The following KIAA0930 variants were observed in gnomAD, a reference collection of about 807,000 sequenced individuals.
The protein encoded by KIAA0930 is uncharacterized protein KIAA0930.
In KIAA0930, 24 loss-of-function variants were observed where a neutral mutation model predicts 43.9. The ratio of observed to expected loss-of-function variants is 0.55; its 90% CI spans 0.40 to 0.77. The LOEUF (loss-of-function observed/expected upper bound fraction) is 0.77. Among genes scored for constraint, KIAA0930 ranks in the 30% least tolerant of loss-of-function variants. The probability of loss-of-function intolerance (pLI) is 0.00; values close to 1 mark genes in which losing one functional copy is unlikely to be tolerated. For synonymous variants in KIAA0930, 259 were observed against 216.4 expected (o/e 1.20, Z -1.73); for missense variants, 461 against 574.2 (o/e 0.80, Z 2.02).
At chr22:45,217,269 A>G (rs5766551) in intron 1 of KIAA0930, among the ~76,000 whole-genome samples, 23,556 of 150,296 alleles carry the variant, frequency 0.16, 2,135 homozygotes, top group African/African-American at 0.25. Flanking sequence ...GCTAAGGCAG[A>G]AGAATCGCTT....
At position 45,195,010 on chromosome 22, in the gene KIAA0930, C is replaced by A. The variant is rs1464660085; in HGVS notation, c.*2166G>T. 6.6e-6 allele frequency: 1 copy of A among 152,244 alleles called. No homozygotes were observed. The highest frequency in any genetic ancestry group is 1.5e-5 in the Non-Finnish European group (1 of 68,062). 9.4% of individuals were successfully genotyped at this position (152,244 alleles called of 1,614,324 possible). A position where few individuals can be genotyped will look rare whatever the true frequency, so the allele number is the denominator to read the frequency against. ...TGAAACCACCAGCCCACCGCGTGCC[C>A]TGTTCACATGCCTTACAAATTGAGG... is the stretch of plus-strand genomic sequence containing the variant. On this transcript the variant is annotated 3_prime_UTR_variant, in exon 10 of 10. Transcript: ENST00000336156.
At chr22:45,213,122 C>T (rs1381737617) in intron 1 of KIAA0930, among the ~76,000 whole-genome samples, 2 of 152,144 alleles carry the variant, frequency 1.3e-5, no homozygotes, top group African/African-American at 2.4e-5. Context: ...AACCCTCTCT[C>T]GCGCTCACAG....
intron 1 of KIAA0930, among the ~76,000 whole-genome samples, chr22:45,218,034 T>G (rs1360304145): frequency 6.6e-6 from 1 of 151,988 alleles, no homozygotes; most frequent in African/African-American, 2.4e-5. Context: ...CCACTAACTC[T>G]CCTCCTGGTT....
chr22:45,220,884 C>CA (rs1452847400), intron 1 of KIAA0930, among the ~76,000 whole-genome samples: 1 of 152,020 alleles, frequency 6.6e-6, no homozygotes, highest in Admixed American at 6.5e-5. Flanking sequence ...CCCGGCCCCC[C>CA]CAACCCCACC....
At chr22:45,220,218 C>T (rs746367860) in intron 1 of KIAA0930, among the ~76,000 whole-genome samples, 10 of 151,988 alleles carry the variant, frequency 6.6e-5, no homozygotes, top group East Asian at 1.9e-4. Flanking sequence ...TTTGGGAGGC[C>T]GAGGCAGGAG....
chr22:45,204,052 C>T (rs2083614410), intron 5 of KIAA0930, 67 bp from the exon 6 acceptor site: 1 of 1,599,680 alleles, frequency 6.3e-7, no homozygotes, highest in Admixed American at 1.7e-5. Context: ...ACAGCCTGGC[C>T]CAACTGGCAG....
At chr22:45,204,477 G>A (rs1414866093) in intron 5 of KIAA0930, among the ~76,000 whole-genome samples, 2 of 152,160 alleles carry the variant, frequency 1.3e-5, no homozygotes, top group Non-Finnish European at 2.9e-5. Flanking sequence ...GAGCTCCGAG[G>A]CCACAAAGAC....
At chr22:45,233,655 G>A (rs1020427034) in intron 1 of KIAA0930, among the ~76,000 whole-genome samples, 3 of 152,034 alleles carry the variant, frequency 2.0e-5, no homozygotes, top group African/African-American at 4.8e-5. Flanking sequence ...CTCTCAGGAC[G>A]CTGGGAGGGT....
intron 6 of KIAA0930, 103 bp downstream of exon 6, chr22:45,203,742 A>G (rs1039662145): frequency 7.3e-7 from 1 of 1,365,800 alleles, no homozygotes; most frequent in Non-Finnish European, 1.0e-6. Context: ...GGCCGCTACC[A>G]TGCACAAGCA....
intron 1 of KIAA0930, among the ~76,000 whole-genome samples, chr22:45,231,163 G>T (rs1413653964): frequency 2.0e-5 from 3 of 146,590 alleles, no homozygotes; most frequent in African/African-American, 7.5e-5. Context: ...CGAGGCAGGA[G>T]AATCGCTTGA....
At position 45,220,651 on chromosome 22, in the gene KIAA0930, G is replaced by C. The variant is rs551259474; in HGVS notation, c.65-8544C>G. 7.2e-5 allele frequency among the ~76,000 whole-genome samples: 11 copies of C among 152,106 alleles called. 2 individuals carry two copies. The East Asian group carries it at 1.9e-3, about 27-fold the overall frequency. On this transcript the variant is annotated intron_variant, in intron 1 of 9. Transcript: ENST00000336156. ...GGCTGGAGCACAGTGCTATGATCACGACACACTGCAGCCTCGACCTCCAGC... is the reference window on the plus strand; with the variant it reads ...GGCTGGAGCACAGTGCTATGATCACCACACACTGCAGCCTCGACCTCCAGC...
At chr22:45,212,525 C>G (rs1358917208) in intron 1 of KIAA0930, 1 of 1,411,632 alleles carries the variant, frequency 7.1e-7, no homozygotes, top group Non-Finnish European at 9.2e-7. Flanking sequence ...CATCTCTCAC[C>G]CCCACCCACT....
chr22:45,206,250 C>T (rs558423240), intron 2 of KIAA0930, among the ~76,000 whole-genome samples: 1 of 152,286 alleles, frequency 6.6e-6, no homozygotes, highest in East Asian at 1.9e-4. Context: ...CTCCTGGGCT[C>T]AGGTGATCCT....
chr22:45,203,709 G>T, intron 6 of KIAA0930, 136 bp downstream of exon 6: 1 of 943,956 alleles, frequency 1.1e-6, no homozygotes, highest in Non-Finnish European at 1.6e-6. Context: ...AAGGAGCCCG[G>T]AGGGGCTGCA....
At chr22:45,206,271 C>T (rs771780102) in intron 2 of KIAA0930, among the ~76,000 whole-genome samples, 7 of 152,178 alleles carry the variant, frequency 4.6e-5, no homozygotes, top group Non-Finnish European at 8.8e-5. Flanking sequence ...CCTGCCTCGA[C>T]CTCCCAAAGT....
intron 8 of KIAA0930, among the ~76,000 whole-genome samples, chr22:45,199,456 A>C (rs1335872313): frequency 6.6e-6 from 1 of 152,144 alleles, no homozygotes; most frequent in East Asian, 1.9e-4. Flanking sequence ...GCCAGGCCTC[A>C]CCCTGAGGGC....
intron 1 of KIAA0930, among the ~76,000 whole-genome samples, chr22:45,216,736 G>T (rs1338061411): frequency 6.6e-6 from 1 of 151,974 alleles, no homozygotes; most frequent in Non-Finnish European, 1.5e-5. Flanking sequence ...TCTCCCTACC[G>T]TCTTGCCAGT....
At chr22:45,198,751 G>C (rs1403468963) in intron 8 of KIAA0930, among the ~76,000 whole-genome samples, 1 of 152,176 alleles carries the variant, frequency 6.6e-6, no homozygotes, top group Non-Finnish European at 1.5e-5. Flanking sequence ...CCAGGTTCAA[G>C]AGATTCTCCT....
intron 2 of KIAA0930, among the ~76,000 whole-genome samples, chr22:45,209,125 C>A: frequency 6.6e-6 from 1 of 152,336 alleles, no homozygotes; most frequent in East Asian, 1.9e-4. Context: ...ATCCTGTCCC[C>A]CTGACACTGC....
Sources: gnomAD v4.1 joint callset for allele counts (sites outside exome capture counted in the v4.1 genomes callset) on GRCh38, gnomAD v4.1.1 for gene constraint, MANE v1.5 for transcripts, NCBI Gene and HGNC (gene_info 2026-07-23, HGNC 2026-07-21) for gene names.